The following FOXP1 variants were observed in gnomAD, a reference collection of about 807,000 sequenced individuals.
FOXP1 encodes forkhead box P1, also known as forkhead box protein P1.
Under a neutral mutation model 98.2 loss-of-function variants are expected in FOXP1, and 15 were observed. That is an observed-to-expected ratio of 0.15 (90% CI 0.10 to 0.24). FOXP1 has a LOEUF of 0.24. Among genes scored for constraint, FOXP1 ranks in the 10% least tolerant of loss-of-function variants. The pLI is 1.00. For missense variants in FOXP1, 633 were observed against 848.5 expected (o/e 0.75, Z 3.15); for synonymous variants, 371 against 314.5 (o/e 1.18, Z -1.90).
chr3:70,977,280 T>C (rs1451151677), intron 16 of FOXP1, among the ~76,000 whole-genome samples: 1 of 152,240 alleles, frequency 6.6e-6, no homozygotes, highest in Non-Finnish European at 1.5e-5. Context: ...AATTTATTAG[T>C]CATTCATAAA....
chr3:71,291,736 T>TG (rs1367306282), intron 5 of FOXP1, among the ~76,000 whole-genome samples: 1 of 138,172 alleles, frequency 7.2e-6, no homozygotes, highest in Non-Finnish European at 1.5e-5. Context: ...TTTTTTGAGA[T>TG]GGAGTCTCAC....
At chr3:71,422,382 G>A (rs762791972) in intron 3 of FOXP1, among the ~76,000 whole-genome samples, 1 of 152,204 alleles carries the variant, frequency 6.6e-6, no homozygotes, top group Non-Finnish European at 1.5e-5. Flanking sequence ...CTTGGCAAAA[G>A]ACTGATTCAG....
chr3:71,338,909 T>C (rs2076846260), intron 4 of FOXP1, among the ~76,000 whole-genome samples: 1 of 152,170 alleles, frequency 6.6e-6, no homozygotes, highest in Non-Finnish European at 1.5e-5. Flanking sequence ...AGAAACACAC[T>C]AGCTTTGAGT....
chr3:71,393,733 G>A (rs911044004), intron 3 of FOXP1, among the ~76,000 whole-genome samples: 1 of 152,218 alleles, frequency 6.6e-6, no homozygotes. Flanking sequence ...TTGAAAGGGT[G>A]TCTGTGAAAT....
intron 7 of FOXP1, among the ~76,000 whole-genome samples, chr3:71,112,066 G>T (rs766273212): frequency 1.4e-4 from 18 of 132,772 alleles, no homozygotes; most frequent in Non-Finnish European, 2.2e-4. Context: ...CCTGCTAGTT[G>T]TGGCAACGAA....
chr3:71,032,077 C>T (rs2046942585), intron 11 of FOXP1, among the ~76,000 whole-genome samples: 1 of 152,240 alleles, frequency 6.6e-6, no homozygotes. Context: ...ACAAACTGCA[C>T]AACAGAGGCT....
chr3:71,509,778 G>C (rs570307373), intron 2 of FOXP1, among the ~76,000 whole-genome samples: 1 of 152,198 alleles, frequency 6.6e-6, no homozygotes, highest in South Asian at 2.1e-4. Flanking sequence ...CTACTCAGGA[G>C]GTTGAGGCAA....
chr3:71,117,690 C>T (rs1435464446), intron 6 of FOXP1, among the ~76,000 whole-genome samples: 3 of 152,098 alleles, frequency 2.0e-5, no homozygotes, highest in African/African-American at 7.2e-5. Flanking sequence ...AGATCAATTG[C>T]TAATGTAAAT....
chr3:71,545,200 G>A (rs751020047), intron 2 of FOXP1, among the ~76,000 whole-genome samples: 1 of 152,124 alleles, frequency 6.6e-6, no homozygotes, highest in African/African-American at 2.4e-5. Flanking sequence ...CTGGTCTGAG[G>A]GAGAGAAGGA....
At chr3:71,183,265 G>A (rs569226263) in intron 6 of FOXP1, among the ~76,000 whole-genome samples, 4 of 152,144 alleles carry the variant, frequency 2.6e-5, no homozygotes, top group East Asian at 1.9e-4. Context: ...AGGCCGAGGC[G>A]GGTGGATCAT....
At chr3:71,003,990 C>T (rs2042437692) in intron 12 of FOXP1, among the ~76,000 whole-genome samples, 1 of 151,816 alleles carries the variant, frequency 6.6e-6, no homozygotes, top group African/African-American at 2.4e-5. Flanking sequence ...TTGGGAATTT[C>T]ACTTTTTTTT....
At chr3:71,282,000 C>A (rs2071623007) in intron 5 of FOXP1, among the ~76,000 whole-genome samples, 1 of 151,238 alleles carries the variant, frequency 6.6e-6, no homozygotes, top group South Asian at 2.1e-4. Context: ...CCCAGCTACT[C>A]AAGAGGCTGA....
In FOXP1 at chr3:71,067,793, T is replaced by C. The variant is rs1006547343; in HGVS notation, c.283-14020A>G. Among the ~76,000 whole-genome samples, 7 of 147,536 alleles carry C rather than the reference T, an allele frequency of 4.7e-5. 1 individual carries two copies. In the South Asian group the frequency reaches 6.5e-4, roughly 14 times the overall value. On this transcript the variant is annotated intron_variant, in intron 7 of 20. Transcript: ENST00000649528. Reference sequence around the variant, plus strand: ...AGCCACGTGTGATGGTGCATGCCTATAGTCCCAACAACTTGGGAGACTGAG... The same window carrying C: ...AGCCACGTGTGATGGTGCATGCCTACAGTCCCAACAACTTGGGAGACTGAG...
chr3:71,580,292 T>G (rs2048062633), intron 2 of FOXP1, among the ~76,000 whole-genome samples: 1 of 152,002 alleles, frequency 6.6e-6, no homozygotes, highest in African/African-American at 2.4e-5. Context: ...TTTTTTCCCT[T>G]TGCAGTGAGA....
intron 5 of FOXP1, among the ~76,000 whole-genome samples, chr3:71,254,047 T>C (rs2068433236): frequency 6.6e-6 from 1 of 152,208 alleles, no homozygotes; most frequent in East Asian, 1.9e-4. Flanking sequence ...CCTTCCTGAA[T>C]TGGTTTTCTA....
chr3:71,064,406 C>T (rs562716800), intron 7 of FOXP1, among the ~76,000 whole-genome samples: 2 of 152,286 alleles, frequency 1.3e-5, no homozygotes, highest in Non-Finnish European at 1.5e-5. Context: ...AGGGCTTCAC[C>T]AAAGTGGCTG....
chr3:71,402,227 G>A (rs1232042412), intron 3 of FOXP1, among the ~76,000 whole-genome samples: 2 of 152,210 alleles, frequency 1.3e-5, no homozygotes, highest in African/African-American at 4.8e-5. Context: ...GGCTGAGGCA[G>A]GTGGATCACT....
chr3:71,430,831 C>T (rs534656644), intron 3 of FOXP1, among the ~76,000 whole-genome samples: 6 of 151,922 alleles, frequency 3.9e-5, no homozygotes, highest in African/African-American at 1.5e-4. Context: ...GGGGAGGCGG[C>T]GGGGGGCAGG....
intron 4 of FOXP1, among the ~76,000 whole-genome samples, chr3:71,317,688 C>G (rs1412926488): frequency 6.6e-6 from 1 of 151,900 alleles, no homozygotes; most frequent in African/African-American, 2.4e-5. Context: ...TAATCTTCCC[C>G]CAAATACAAT....
Sources: allele counts gnomAD v4.1 joint callset (sites outside exome capture counted in the v4.1 genomes callset), GRCh38; gene constraint gnomAD v4.1.1; transcripts MANE v1.5; gene names NCBI Gene and HGNC (gene_info 2026-07-23, HGNC 2026-07-21).